Variants in UNC13C observed in about 807,000 individuals in gnomAD.
UNC13C encodes protein unc-13 homolog C.
Under a neutral mutation model 245.4 loss-of-function variants are expected in UNC13C, and 174 were observed. The observed-to-expected ratio is 0.71, with a 90% confidence interval of 0.63 to 0.80. UNC13C has a LOEUF of 0.80. Ranked by LOEUF, UNC13C falls within the 30% of genes least tolerant of loss-of-function variation. The probability of loss-of-function intolerance (pLI) is 0.00; values close to 1 mark genes in which losing one functional copy is unlikely to be tolerated. For synonymous variants in UNC13C, 992 were observed against 895.1 expected, an observed-to-expected ratio of 1.11 and a Z score of -1.93; for missense variants, 2,829 against 2,602.9, an observed-to-expected ratio of 1.09 and a Z score of -1.89.
chr15:54,611,698 A>C (rs925048606), intron 30 of UNC13C: 7 of 152,164 alleles, frequency 4.6e-5, no homozygotes, highest in African/African-American at 1.7e-4. Flanking sequence ...TGCTTTAGCC[A>C]GTATTAAATC....
At chr15:54,211,885 T>A (rs111500993) in intron 4 of UNC13C, among the ~76,000 whole-genome samples, 14 of 152,210 alleles carry the variant, frequency 9.2e-5, no homozygotes, top group African/African-American at 3.4e-4. Context: ...CTATCATTAT[T>A]GATGCCAAAG....
At chr15:54,277,054 C>G (rs1379320329) in intron 10 of UNC13C, among the ~76,000 whole-genome samples, 1 of 152,022 alleles carries the variant, frequency 6.6e-6, no homozygotes, top group East Asian at 1.9e-4. Flanking sequence ...CTTATTTCTC[C>G]TTTGTTTTCA....
chr15:53,900,665 A>AT, the UNC13C span, among the ~76,000 whole-genome samples: 592 of 150,572 alleles, frequency 3.9e-3, 3 homozygotes, highest in Non-Finnish European at 6.4e-3. Context: ...TCAAACTTCT[A>AT]TTTTTTTTTC....
chr15:54,496,833 G>C (rs1245425885), intron 20 of UNC13C, among the ~76,000 whole-genome samples: 4 of 150,910 alleles, frequency 2.7e-5, no homozygotes, highest in Non-Finnish European at 1.5e-5. Context: ...GGAAGTTGGG[G>C]GGGAAGGATA....
chr15:54,310,740 ATATATCTATATCTATATC>A (rs57312410), intron 13 of UNC13C, among the ~76,000 whole-genome samples: 5 of 117,410 alleles, frequency 4.3e-5, no homozygotes, highest in African/African-American at 1.4e-4. Flanking sequence ...GCCTCATTTT[ATATATCTATATCTATATC>A]TATATCTATA....
chr15:53,941,907 C>G, the UNC13C span, among the ~76,000 whole-genome samples: 13 of 152,234 alleles, frequency 8.5e-5, no homozygotes, highest in African/African-American at 3.1e-4. Context: ...CAAGAAACAA[C>G]AGATGCTGAT....
chr15:53,982,201 G>T (rs935792158), intron 1 of UNC13C, among the ~76,000 whole-genome samples: 2 of 152,020 alleles, frequency 1.3e-5, no homozygotes, highest in Non-Finnish European at 2.9e-5. Flanking sequence ...GCCAATTTTT[G>T]TTGGCCCAAA....
At chr15:54,325,581 C>A (rs1235006093) in intron 14 of UNC13C, among the ~76,000 whole-genome samples, 2 of 152,006 alleles carry the variant, frequency 1.3e-5, no homozygotes, top group Middle Eastern at 3.4e-3. Context: ...CCTCGACAGG[C>A]CCCGGTGTGT....
the UNC13C span, among the ~76,000 whole-genome samples, chr15:53,848,096 C>G: frequency 2.6e-5 from 3 of 116,732 alleles, no homozygotes; most frequent in Non-Finnish European, 4.0e-5. Context: ...TATTTGTATT[C>G]TCTCTCTCTC....
the UNC13C span, among the ~76,000 whole-genome samples, chr15:53,842,917 T>TATATAA: frequency 1.4e-5 from 2 of 146,834 alleles, no homozygotes; most frequent in African/African-American, 4.9e-5. Context: ...TATATATATA[T>TATATAA]AATGTAAAAA....
chr15:54,050,779 A>G, intron 2 of UNC13C: 1 of 588,260 alleles, frequency 1.7e-6, no homozygotes, highest in Non-Finnish European at 3.3e-6. Flanking sequence ...TCTGGTGATC[A>G]TCACTATATG....
At chr15:54,162,207 G>C (rs2033005303) in intron 4 of UNC13C, among the ~76,000 whole-genome samples, 1 of 152,138 alleles carries the variant, frequency 6.6e-6, no homozygotes. Flanking sequence ...AACTGCAAAA[G>C]GGTTAAGGTG....
rs145435421 is a variant in UNC13C at position 54,470,271 on chromosome 15, G to A, written c.4934-24337G>A. 3.1e-3 allele frequency among the ~76,000 whole-genome samples: 472 copies of A among 151,610 alleles called. 1 individual carries two copies. Among genetic ancestry groups the A allele is most frequent in the Non-Finnish European group, 5.0e-3 (338 of 67,562 alleles). On this transcript the variant is annotated intron_variant, in intron 19 of 32. Transcript: ENST00000260323. ...TAATGCTAGACTATGAAATGTGATT[G>A]GAAGTATTCCTACCTCTTCAATATT... is the stretch of plus-strand genomic sequence containing the variant.
chr15:54,346,614 A>G (rs2038864920), intron 17 of UNC13C, among the ~76,000 whole-genome samples: 1 of 152,228 alleles, frequency 6.6e-6, no homozygotes, highest in Admixed American at 6.5e-5. Flanking sequence ...AGAAAGGAAA[A>G]TCGATTTGAT....
chr15:54,410,014 T>C (rs931987259), intron 18 of UNC13C, among the ~76,000 whole-genome samples: 3 of 152,200 alleles, frequency 2.0e-5, no homozygotes, highest in African/African-American at 7.2e-5. Flanking sequence ...TGTTCCCTTT[T>C]CTCTGCAACC....
At chr15:54,187,525 A>G (rs1221281149) in intron 4 of UNC13C, among the ~76,000 whole-genome samples, 1 of 152,168 alleles carries the variant, frequency 6.6e-6, no homozygotes, top group African/African-American at 2.4e-5. Flanking sequence ...GTTTCTCTAC[A>G]GCTGGCCCAT....
At chr15:53,986,022 T>C (rs1894126113) in intron 1 of UNC13C, among the ~76,000 whole-genome samples, 1 of 152,038 alleles carries the variant, frequency 6.6e-6, no homozygotes, top group African/African-American at 2.4e-5. Context: ...CAGTGGATTT[T>C]TCAATAGCCA....
At chr15:54,500,357 T>TAAAA (rs35637614) in intron 21 of UNC13C, among the ~76,000 whole-genome samples, 182 bp downstream of exon 21, 1 of 144,234 alleles carries the variant, frequency 6.9e-6, no homozygotes, top group Non-Finnish European at 1.5e-5. Context: ...CTACATTTAT[T>TAAAA]AAAAAAAAAA....
chr15:53,939,748 C>T, the UNC13C span, among the ~76,000 whole-genome samples: 1 of 152,078 alleles, frequency 6.6e-6, no homozygotes, highest in Non-Finnish European at 1.5e-5. Flanking sequence ...ACACAATTAG[C>T]TCAATAGATG....
Sources: gnomAD v4.1 joint callset for allele counts (sites outside exome capture counted in the v4.1 genomes callset) on GRCh38, gnomAD v4.1.1 for gene constraint, MANE v1.5 for transcripts, NCBI Gene and HGNC (gene_info 2026-07-23, HGNC 2026-07-21) for gene names.